EIF4G3: variants seen among roughly 807,000 people sequenced by gnomAD.
EIF4G3 encodes eIF-4-gamma 3.
In EIF4G3, 34 loss-of-function variants were observed where a neutral mutation model predicts 186.4. The ratio of observed to expected loss-of-function variants is 0.18; its 90% confidence interval spans 0.14 to 0.24. The LOEUF is 0.24. Among genes scored for constraint, EIF4G3 ranks in the 10% least tolerant of loss-of-function variants. EIF4G3 has a pLI of 1.00. For synonymous variants in EIF4G3, 673 were observed against 679.5 expected, an observed-to-expected ratio of 0.99 and a Z score of 0.15; for missense variants, 1,536 against 1,948.5, an observed-to-expected ratio of 0.79 and a Z score of 3.99.
intron 4 of EIF4G3, among the ~76,000 whole-genome samples, chr1:21,018,561 T>TAA (rs34620306): frequency 6.3e-5 from 9 of 142,706 alleles, no homozygotes; most frequent in East Asian, 6.1e-4. Flanking sequence ...CTCCTTCTCT[T>TAA]AAAAAAAAAA....
chr1:21,144,916 T>C (rs1259857027), intron 2 of EIF4G3, among the ~76,000 whole-genome samples: 6 of 152,312 alleles, frequency 3.9e-5, no homozygotes, highest in Middle Eastern at 3.4e-3. Context: ...CTGATAAGCA[T>C]GTGCCTTGTT....
chr1:20,839,676 G>A (rs2067879842), intron 30 of EIF4G3, among the ~76,000 whole-genome samples: 2 of 151,652 alleles, frequency 1.3e-5, no homozygotes, highest in African/African-American at 4.8e-5. Flanking sequence ...TGTATTTTTA[G>A]TAGATGTTGG....
At chr1:20,941,229 A>T in intron 14 of EIF4G3, 1 of 1,532,832 alleles carries the variant, frequency 6.5e-7, no homozygotes, top group East Asian at 2.5e-5. Context: ...AACAACAACA[A>T]CAAAACCCAA....
At chr1:21,135,542 A>G (rs1438411052) in intron 2 of EIF4G3, among the ~76,000 whole-genome samples, 1 of 152,188 alleles carries the variant, frequency 6.6e-6, no homozygotes, top group Non-Finnish European at 1.5e-5. Context: ...AATGGGGTAA[A>G]AAATGAATAG....
intron 19 of EIF4G3, among the ~76,000 whole-genome samples, chr1:20,883,483 TG>T (rs1361840985): frequency 6.6e-6 from 1 of 152,038 alleles, no homozygotes; most frequent in South Asian, 2.1e-4. Context: ...CCAGGCATGG[TG>T]GACACGCCTG....
At chr1:20,950,149 T>C (rs373497910) in intron 12 of EIF4G3, 38 bp from the exon 13 acceptor site, 16 of 1,479,208 alleles carry the variant, frequency 1.1e-5, no homozygotes, top group African/African-American at 1.4e-5. Context: ...ATAATGAGCG[T>C]GCGAACATAA....
intron 14 of EIF4G3, among the ~76,000 whole-genome samples, chr1:20,937,088 T>C (rs1481702169): frequency 6.6e-6 from 1 of 152,200 alleles, no homozygotes; most frequent in South Asian, 2.1e-4. Flanking sequence ...AGAGAGATCT[T>C]GGATCCCTGC....
At chr1:20,951,089 G>T (rs1316289532) in intron 12 of EIF4G3, among the ~76,000 whole-genome samples, 1 of 151,722 alleles carries the variant, frequency 6.6e-6, no homozygotes, top group Non-Finnish European at 1.5e-5. Flanking sequence ...TTTTTCTGGG[G>T]AGTAGGGATG....
intron 12 of EIF4G3, among the ~76,000 whole-genome samples, chr1:20,963,885 G>A (rs1480974404): frequency 2.1e-5 from 3 of 146,268 alleles, no homozygotes; most frequent in South Asian, 2.1e-4. Context: ...TTGTGCCACC[G>A]CACTTGCACT....
intron 20 of EIF4G3, among the ~76,000 whole-genome samples, chr1:20,870,633 C>T (rs111486951): frequency 6.0e-4 from 92 of 152,256 alleles, no homozygotes; most frequent in African/African-American, 2.2e-3. Flanking sequence ...AAGACAAAAG[C>T]ACAGCAATTT....
At chr1:21,033,063 G>T in intron 4 of EIF4G3, among the ~76,000 whole-genome samples, 1 of 152,064 alleles carries the variant, frequency 6.6e-6, no homozygotes, top group Non-Finnish European at 1.5e-5. Context: ...ATGATTTCTG[G>T]AAAACTTTAC....
chr1:21,029,534 C>G (rs757185207), intron 4 of EIF4G3, among the ~76,000 whole-genome samples: 2 of 151,838 alleles, frequency 1.3e-5, no homozygotes, highest in Non-Finnish European at 2.9e-5. Flanking sequence ...CTTTGGGAGG[C>G]CAAGGCAGAA....
At chr1:20,812,617 C>T (rs1310344257) in intron 35 of EIF4G3, among the ~76,000 whole-genome samples, 2 of 152,046 alleles carry the variant, frequency 1.3e-5, no homozygotes, top group African/African-American at 4.8e-5. Context: ...ACATTGTATA[C>T]AGCTTGGAAT....
chr1:20,919,576 T>C (rs1445986498), intron 14 of EIF4G3, among the ~76,000 whole-genome samples: 1 of 152,078 alleles, frequency 6.6e-6, no homozygotes, highest in Non-Finnish European at 1.5e-5. Flanking sequence ...TTGAAAACAA[T>C]ACCAAAAGAA....
At chr1:20,955,644 T>C (rs139082530) in intron 12 of EIF4G3, among the ~76,000 whole-genome samples, 1,793 of 152,168 alleles carry the variant, frequency 0.012, 24 homozygotes, top group African/African-American at 0.035. Flanking sequence ...CCAAGGGAAA[T>C]AATTTTGGTG....
intron 15 of EIF4G3, among the ~76,000 whole-genome samples, chr1:20,904,554 G>A (rs186591903): frequency 3.3e-5 from 5 of 152,160 alleles, no homozygotes; most frequent in Admixed American, 3.3e-4. Flanking sequence ...TCCTTATGTT[G>A]CCCAGGTGGT....
chr1:21,156,298 T>C (rs183486634), intron 2 of EIF4G3, among the ~76,000 whole-genome samples: 15 of 152,314 alleles, frequency 9.8e-5, no homozygotes, highest in African/African-American at 3.6e-4. Flanking sequence ...CAGCAGCTTC[T>C]TTCTCTTTTC....
rs188155499 is a variant in EIF4G3, at chr1:20,907,459, T to C, written c.1664-2488A>G. Among the ~76,000 whole-genome samples the C allele has an allele frequency of 9.4e-3, 1,427 of 152,198 alleles. 19 individuals are homozygous for C. The highest frequency in any genetic ancestry group is 0.032 in the African/African-American group (1,335 of 41,500). On this transcript the variant is annotated intron_variant, in intron 14 of 36. Coordinates refer to ENST00000602326, the MANE Select transcript of EIF4G3 (RefSeq NM_001391906.1). ...ACAACCTGCAGGTTTGCTACATATG[T>C]ATACATGTGCCATGTTGGTGTGCTG...
chr1:20,982,210 C>G (rs753646996), intron 8 of EIF4G3, among the ~76,000 whole-genome samples, 178 bp downstream of exon 8: 17 of 152,182 alleles, frequency 1.1e-4, no homozygotes, highest in Non-Finnish European at 2.9e-5. Context: ...GTTCAAATTT[C>G]TCAAAATGGC....
Sources: allele counts gnomAD v4.1 joint callset (sites outside exome capture counted in the v4.1 genomes callset), GRCh38; gene constraint gnomAD v4.1.1; transcripts MANE v1.5; gene names NCBI Gene and HGNC (gene_info 2026-07-23, HGNC 2026-07-21).